GFOD2: variants seen among roughly 807,000 people sequenced by gnomAD.
GFOD2 encodes glucose-fructose oxidoreductase domain-containing protein 2.
In GFOD2, 9 loss-of-function variants were observed where a neutral mutation model predicts 24.6. That is an observed-to-expected ratio of 0.37 (90% CI 0.22 to 0.64). The LOEUF (loss-of-function observed/expected upper bound fraction) is 0.64, where lower values mean the gene tolerates loss of function less well. Ranked by LOEUF, GFOD2 falls within the 30% of genes least tolerant of loss-of-function variation. The pLI, the probability that GFOD2 is intolerant of heterozygous loss-of-function variation, is 0.65. For missense variants in GFOD2, 476 were observed against 532.5 expected, an observed-to-expected ratio of 0.89 and a Z score of 1.04; for synonymous variants, 211 against 224.8, an observed-to-expected ratio of 0.94 and a Z score of 0.55.
At chr16:67,708,389 C>T (rs1378383607) in intron 1 of GFOD2, among the ~76,000 whole-genome samples, 1 of 152,154 alleles carries the variant, frequency 6.6e-6, no homozygotes, top group Non-Finnish European at 1.5e-5. Flanking sequence ...AAGCTAAGGC[C>T]CAGTAGGCTG....
rs201225113 is a variant in GFOD2, at chr16:67,675,307, C to T, written c.1006G>A (p.Ala336Thr). Residue 336 changes from alanine to threonine, a missense_variant, in exon 3 of 3, where the codon GCC becomes ACC. Ala to Thr is a moderately conservative substitution (Grantham distance 58). Coordinates refer to ENST00000268797, the MANE Select transcript of GFOD2 (RefSeq NM_030819.4). ...TWDRTPVSMA[A>T]SFEDGLYMQS... ...ATGTACAGCCCATCCTCGAAGGAGGCGGCCATGGAGACAGGGGTGCGGTCC... is the reference window on the plus strand; with the variant it reads ...ATGTACAGCCCATCCTCGAAGGAGGTGGCCATGGAGACAGGGGTGCGGTCC... 227 of 1,612,880 alleles carry T rather than the reference C, an allele frequency of 1.4e-4. No homozygotes were observed. The highest frequency in any genetic ancestry group is 1.8e-4 in the Non-Finnish European group (211 of 1,180,016).
chr16:67,700,167 A>C (rs1056848158), intron 1 of GFOD2, among the ~76,000 whole-genome samples: 1 of 151,974 alleles, frequency 6.6e-6, no homozygotes, highest in Admixed American at 6.6e-5. Flanking sequence ...TGAGCTCAGG[A>C]GTTTGCGACC....
rs1334634791 is a variant in GFOD2 at position 67,709,361 on chromosome 16, TTG to T, written c.-88+9800_-88+9801del. ...TAGGCTGATTAGGTGTTTTAGGTGC[TTG>T]TGTATAAAATGACACCTGTAATTTA... is the stretch of plus-strand genomic sequence containing the variant. On this transcript the variant is annotated intron_variant, in intron 1 of 2. Coordinates refer to ENST00000268797, the MANE Select transcript of GFOD2 (RefSeq NM_030819.4). Among the ~76,000 whole-genome samples the T allele has an allele frequency of 4.6e-5, 7 of 152,190 alleles. No individual in the cohort carries two copies. The East Asian group carries it at 1.2e-3, about 25-fold the overall frequency.
At chr16:67,700,364 G>T (rs1291946580) in intron 1 of GFOD2, among the ~76,000 whole-genome samples, 1 of 150,920 alleles carries the variant, frequency 6.6e-6, no homozygotes, top group African/African-American at 2.4e-5. Flanking sequence ...AACACAGTGA[G>T]ACTCCGTCTC....
At chr16:67,692,719 G>A (rs1039340682) in intron 1 of GFOD2, among the ~76,000 whole-genome samples, 2 of 150,496 alleles carry the variant, frequency 1.3e-5, no homozygotes, top group African/African-American at 4.9e-5. Flanking sequence ...GGGGATAAAG[G>A]GGAATAATTT....
At chr16:67,690,140 T>G (rs2053299999) in intron 1 of GFOD2, among the ~76,000 whole-genome samples, 1 of 152,214 alleles carries the variant, frequency 6.6e-6, no homozygotes, top group Non-Finnish European at 1.5e-5. Flanking sequence ...GAACATGGTG[T>G]ACAAATATCT....
chr16:67,689,516 C>T (rs2053294991), intron 1 of GFOD2, among the ~76,000 whole-genome samples: 1 of 150,320 alleles, frequency 6.7e-6, no homozygotes, highest in Admixed American at 6.6e-5. Flanking sequence ...ACTAAAAATA[C>T]AAAAATTAGC....
chr16:67,702,650 A>G (rs1017826281), intron 1 of GFOD2, among the ~76,000 whole-genome samples: 1 of 125,076 alleles, frequency 8.0e-6, no homozygotes, highest in Non-Finnish European at 1.6e-5. Flanking sequence ...CCCAGTCTGG[A>G]GCACAGTGGC....
chr16:67,692,854 G>A (rs558764887), intron 1 of GFOD2, among the ~76,000 whole-genome samples: 8 of 151,202 alleles, frequency 5.3e-5, no homozygotes, highest in African/African-American at 9.7e-5. Flanking sequence ...GTAAAACCCC[G>A]TCTCTACTAA....
chr16:67,712,989 T>C (rs981515490), intron 1 of GFOD2, among the ~76,000 whole-genome samples: 1 of 132,880 alleles, frequency 7.5e-6, no homozygotes, highest in Non-Finnish European at 1.5e-5. Flanking sequence ...TTCAAGTGAT[T>C]TTCCTGCCTC....
chr16:67,685,024 C>A, intron 2 of GFOD2: 1 of 1,088,968 alleles, frequency 9.2e-7, no homozygotes, highest in African/African-American at 1.6e-5. Flanking sequence ...TCACTATAGT[C>A]AAACGCTGAC....
intron 1 of GFOD2, among the ~76,000 whole-genome samples, chr16:67,711,348 C>T (rs1040286551): frequency 2.0e-5 from 3 of 152,140 alleles, no homozygotes; most frequent in Admixed American, 6.6e-5. Flanking sequence ...ACTCTTCACC[C>T]GACTTCCACA....
At chr16:67,685,312 T>G in intron 2 of GFOD2, 145 bp downstream of exon 2, 1 of 1,476,198 alleles carries the variant, frequency 6.8e-7, no homozygotes, top group Non-Finnish European at 9.0e-7. Flanking sequence ...CCCCAAGCAC[T>G]GCTTCAGGGA....
chr16:67,675,598 G>A lies in GFOD2; in HGVS notation c.715C>T (p.Leu239Phe). ...MGGGVCSTVT[L>F]NFNMPGAFVH... ...AAGGCGCCTGGCATGTTGAAGTTGA[G>A]TGTCACTGTGCTACACACACCCCCA... Residue 239 changes from leucine (L) to phenylalanine (F), a missense_variant, in exon 3 of 3, where the codon CTC becomes TTC. Transcript: ENST00000268797. 5 of 1,613,330 alleles carry A rather than the reference G, an allele frequency of 3.1e-6. No individual in the cohort carries two copies. The highest frequency in any genetic ancestry group is 1.3e-5 in the African/African-American group (1 of 75,068).
intron 2 of GFOD2, chr16:67,683,906 G>A (rs1228361217): frequency 8.9e-7 from 1 of 1,121,266 alleles, no homozygotes; most frequent in Non-Finnish European, 1.1e-6. Flanking sequence ...AAGTAAGTAT[G>A]TGCTAGTTGA....
chr16:67,691,556 G>A (rs1370369452), intron 1 of GFOD2, among the ~76,000 whole-genome samples: 1 of 146,272 alleles, frequency 6.8e-6, no homozygotes, highest in Non-Finnish European at 1.5e-5. Context: ...AGGTCCCTCT[G>A]CATAGCACAG....
In GFOD2 at chr16:67,675,731, G is replaced by C. The variant is rs544269882; in HGVS notation, c.582C>G (p.Ala194=). Residue 194 remains alanine, a synonymous_variant, in exon 3 of 3, where the codon GCC becomes GCG. Transcript: ENST00000268797. ...DLLTHLTGRR[A]EKVHGLLKTF... ...TCTTGAGCAGCCCGTGCACCTTCTCGGCTCTCCGGCCGGTCAGGTGGGTCA... is the reference window on the plus strand; with the variant it reads ...TCTTGAGCAGCCCGTGCACCTTCTCCGCTCTCCGGCCGGTCAGGTGGGTCA... The C allele has an allele frequency of 1.8e-5, 29 of 1,614,062 alleles. No homozygotes were observed. In the Admixed American group the frequency reaches 2.7e-4, roughly 15 times the overall value.
intron 2 of GFOD2, chr16:67,684,747 T>C: frequency 1.0e-6 from 1 of 982,148 alleles, no homozygotes; most frequent in Non-Finnish European, 1.2e-6. Context: ...GTTTACTTAG[T>C]AAACTAGGTT....
At chr16:67,696,234 C>T (rs911337999) in intron 1 of GFOD2, among the ~76,000 whole-genome samples, 2 of 150,616 alleles carry the variant, frequency 1.3e-5, no homozygotes, top group Admixed American at 6.6e-5. Context: ...AGGATGGTCC[C>T]GATCTCTTGA....
Sources: gnomAD v4.1 joint callset for allele counts (sites outside exome capture counted in the v4.1 genomes callset) on GRCh38, gnomAD v4.1.1 for gene constraint, MANE v1.5 for transcripts, NCBI Gene and HGNC (gene_info 2026-07-23, HGNC 2026-07-21) for gene names.